Variants in CFAP299 observed in about 807,000 individuals in gnomAD.
CFAP299 encodes the protein cilia- and flagella-associated protein 299.
In CFAP299, 21 loss-of-function variants were observed where a neutral mutation model predicts 27.0. That is an observed-to-expected ratio of 0.78 (90% CI 0.55 to 1.12). CFAP299 has a LOEUF of 1.12. Among genes scored for constraint, CFAP299 ranks in the 50% most tolerant of loss-of-function variants. The probability of loss-of-function intolerance (pLI) is 0.00; values close to 1 mark genes in which losing one functional copy is unlikely to be tolerated. For synonymous variants in CFAP299, 104 were observed against 98.1 expected (o/e 1.06, Z -0.36); for missense variants, 310 against 276.6 (o/e 1.12, Z -0.86).
At chr4:80,417,964 G>C (rs1248904205) in intron 2 of CFAP299, among the ~76,000 whole-genome samples, 2 of 152,122 alleles carry the variant, frequency 1.3e-5, no homozygotes, top group Admixed American at 1.3e-4. Flanking sequence ...CACTAGATCT[G>C]CTGGCACCTT....
chr4:80,938,153 G>A (rs186369267), intron 4 of CFAP299, among the ~76,000 whole-genome samples: 1 of 152,062 alleles, frequency 6.6e-6, no homozygotes, highest in East Asian at 1.9e-4. Flanking sequence ...CATTAAAAAT[G>A]ACCCTTACAT....
chr4:80,961,193 T>C (rs1159554750), intron 5 of CFAP299, among the ~76,000 whole-genome samples: 2 of 151,690 alleles, frequency 1.3e-5, no homozygotes, highest in Non-Finnish European at 3.0e-5. Context: ...TCTAAAATAT[T>C]GTGTAGGCAT....
At chr4:80,610,689 A>G (rs964044495) in intron 3 of CFAP299, among the ~76,000 whole-genome samples, 3 of 152,112 alleles carry the variant, frequency 2.0e-5, no homozygotes, top group Admixed American at 6.6e-5. Flanking sequence ...TTGGGACATT[A>G]TTTCTGATAC....
chr4:80,795,515 G>A (rs918962150), intron 3 of CFAP299, among the ~76,000 whole-genome samples: 33 of 152,134 alleles, frequency 2.2e-4, no homozygotes, highest in African/African-American at 7.7e-4. Context: ...CTCTTCCTCT[G>A]TCAACTGATC....
At chr4:80,596,920 A>G (rs940443869) in intron 3 of CFAP299, among the ~76,000 whole-genome samples, 3 of 151,992 alleles carry the variant, frequency 2.0e-5, no homozygotes, top group Non-Finnish European at 2.9e-5. Flanking sequence ...GGTATATACT[A>G]TTTTATTTCT....
chr4:80,721,631 G>T (rs1722817801), intron 3 of CFAP299, among the ~76,000 whole-genome samples: 1 of 152,008 alleles, frequency 6.6e-6, no homozygotes, highest in South Asian at 2.1e-4. Context: ...ATTTTGGGGG[G>T]AACTCAATTC....
chr4:80,915,992 T>G (rs775663842), intron 4 of CFAP299, among the ~76,000 whole-genome samples: 27 of 151,886 alleles, frequency 1.8e-4, no homozygotes, highest in African/African-American at 5.8e-4. Context: ...CTGGGTGCAG[T>G]GGCTCACACC....
intron 2 of CFAP299, among the ~76,000 whole-genome samples, chr4:80,414,131 C>T (rs1275597809): frequency 1.5e-5 from 2 of 134,830 alleles, no homozygotes; most frequent in African/African-American, 5.8e-5. Flanking sequence ...AGTGCAGTGG[C>T]GGGATCTCGG....
chr4:80,406,774 G>A (rs751717976), intron 2 of CFAP299, among the ~76,000 whole-genome samples: 1 of 152,146 alleles, frequency 6.6e-6, no homozygotes, highest in Non-Finnish European at 1.5e-5. Flanking sequence ...TATGCAACTT[G>A]TTGATTATCT....
intron 3 of CFAP299, among the ~76,000 whole-genome samples, chr4:80,671,462 G>A (rs907456110): frequency 1.3e-4 from 20 of 152,146 alleles, no homozygotes; most frequent in Admixed American, 2.0e-4. Flanking sequence ...GCTTTGGATC[G>A]TCTTGGCAAT....
chr4:80,802,396 C>T (rs905683422), intron 3 of CFAP299, among the ~76,000 whole-genome samples: 4 of 151,990 alleles, frequency 2.6e-5, no homozygotes, highest in African/African-American at 4.8e-5. Flanking sequence ...CTCATTCTAA[C>T]ACATTTCATG....
intron 3 of CFAP299, among the ~76,000 whole-genome samples, chr4:80,766,345 T>C (rs1400446264): frequency 6.6e-6 from 1 of 152,182 alleles, no homozygotes; most frequent in African/African-American, 2.4e-5. Context: ...AGGACTAAGA[T>C]TGTACTTATA....
intron 3 of CFAP299, among the ~76,000 whole-genome samples, chr4:80,765,795 T>G (rs1725829190): frequency 6.6e-6 from 1 of 152,096 alleles, no homozygotes; most frequent in African/African-American, 2.4e-5. Flanking sequence ...CCTATCTCAG[T>G]GCACAAGGTA....
chr4:80,763,111 AG>A (rs749453929), intron 3 of CFAP299, among the ~76,000 whole-genome samples: 10 of 152,336 alleles, frequency 6.6e-5, no homozygotes, highest in Admixed American at 1.3e-4. Flanking sequence ...TTGAGCAACC[AG>A]GCAAGAGAAA....
chr4:80,703,305 A>G (rs1249730694), intron 3 of CFAP299, among the ~76,000 whole-genome samples: 1 of 151,746 alleles, frequency 6.6e-6, no homozygotes. Flanking sequence ...TGCCTTATCT[A>G]TCTTGTTAAA....
intron 3 of CFAP299, among the ~76,000 whole-genome samples, chr4:80,672,339 T>C (rs1282256056): frequency 1.3e-5 from 2 of 152,374 alleles, no homozygotes; most frequent in Non-Finnish European, 2.9e-5. Context: ...CAGCCTTGCA[T>C]CCCAGGGATG....
intron 2 of CFAP299, among the ~76,000 whole-genome samples, chr4:80,440,204 A>G (rs749145571): frequency 3.3e-5 from 5 of 152,300 alleles, no homozygotes; most frequent in Non-Finnish European, 2.9e-5. Context: ...GAGCTCTGCT[A>G]AGGGACAGAC....
Position 80,719,958 on chromosome 4 carries a change from TGG to T in CFAP299, c.333+136776_333+136777del, listed in dbSNP as rs560654458. Among the ~76,000 whole-genome samples the T allele has an allele frequency of 1.1e-3, 161 of 152,308 alleles. 1 individual carries two copies. The highest frequency in any genetic ancestry group is 3.6e-3 in the African/African-American group (151 of 41,568). On this transcript the variant is annotated intron_variant, in intron 3 of 5. Coordinates refer to ENST00000358105, the MANE Select transcript of CFAP299 (RefSeq NM_152770.3). The stretch of plus-strand genomic sequence containing the variant: ...TTCAGTGTCAGAAAACAAAGGACAC[TGG>T]TTTCTGAGAGATGGGAAACAAATAA...
Position 80,631,728 on chromosome 4 carries a change from GTCA to G in CFAP299, c.333+48550_333+48552del, listed in dbSNP as rs778512704. 1.7e-3 allele frequency among the ~76,000 whole-genome samples: 259 copies of G among 151,710 alleles called. 4 individuals are homozygous for G. The highest frequency in any genetic ancestry group is 3.5e-3 in the Non-Finnish European group (238 of 67,912). Reference sequence around the variant, plus strand: ...CAAATACTTTTTCTTTTTAATCTATGTCATCATGTTTTGTGATTGCTTTAGCCA... The same window carrying G: ...CAAATACTTTTTCTTTTTAATCTATGTCATGTTTTGTGATTGCTTTAGCCA... On this transcript the variant is annotated intron_variant, in intron 3 of 5. Transcript: ENST00000358105.
Sources: gnomAD v4.1 joint callset for allele counts (sites outside exome capture counted in the v4.1 genomes callset) on GRCh38, gnomAD v4.1.1 for gene constraint, MANE v1.5 for transcripts, NCBI Gene and HGNC (gene_info 2026-07-23, HGNC 2026-07-21) for gene names.